Variants in ANKRD36C observed in about 807,000 individuals in gnomAD.
ANKRD36C encodes the protein ankyrin repeat domain 36C.
ANKRD36C carries 61 observed loss-of-function variants against 276.4 expected under a neutral mutation model. The observed-to-expected ratio is 0.22, with a 90% CI of 0.18 to 0.27. The LOEUF (loss-of-function observed/expected upper bound fraction) is 0.27. Ranked by LOEUF, ANKRD36C falls within the 10% of genes least tolerant of loss-of-function variation. ANKRD36C has a pLI of 1.00. For missense variants in ANKRD36C, 1,447 were observed against 2,032.3 expected, an observed-to-expected ratio of 0.71 and a Z score of 5.54; for synonymous variants, 483 against 680.1, an observed-to-expected ratio of 0.71 and a Z score of 4.51.
chr2:95,860,950 A>T lies in ANKRD36C; in HGVS notation c.3683-876T>A, dbSNP rs546797424. Among the ~76,000 whole-genome samples, 98 of 152,100 alleles carry T rather than the reference A, an allele frequency of 6.4e-4. 1 individual carries two copies. The South Asian group carries it at 0.02, about 30-fold the overall frequency. ...CTAAGAACAATGAAAAATAAAATTT[A>T]AAAAAAACAGTTAAAGAAAATTAGC... On this transcript the variant is annotated intron_variant, in intron 60 of 66. Coordinates refer to ENST00000456556, the Ensembl canonical transcript of ANKRD36C.
intron 42 of ANKRD36C, 24 bp from the exon 54 acceptor site, chr2:95,902,982 A>G: frequency 6.3e-7 from 1 of 1,576,788 alleles, no homozygotes; most frequent in Non-Finnish European, 8.6e-7. Flanking sequence ...GAAATGCAAT[A>G]ATAAATTAAT....
At chr2:95,907,325 T>C (rs1225814226) in intron 42 of ANKRD36C, 1 of 69,532 alleles carries the variant, frequency 1.4e-5, no homozygotes, top group Non-Finnish European at 2.9e-5. Flanking sequence ...TAACATATCT[T>C]CAGTGGAAGT....
chr2:95,923,928 A>T (rs1210415426), intron 30 of ANKRD36C, among the ~76,000 whole-genome samples: 1 of 151,682 alleles, frequency 6.6e-6, no homozygotes, highest in East Asian at 1.9e-4. Context: ...TAAAACTAAA[A>T]TGAAACAGTG....
At chr2:95,893,835 GC>G (rs199961815) in intron 44 of ANKRD36C, 111 bp from the exon 63 acceptor site, 94,715 of 1,552,912 alleles carry the variant, frequency 0.061, 3,683 homozygotes, top group Non-Finnish European at 0.07. Context: ...ATTAGCGTAG[GC>G]TTTAATGGCT....
chr2:95,963,564 A>C (rs1161042210), intron 6 of ANKRD36C, among the ~76,000 whole-genome samples: 2 of 135,256 alleles, frequency 1.5e-5, no homozygotes, highest in East Asian at 4.1e-4. Context: ...GATTCCCAAT[A>C]GTAACAAAGA....
intron 17 of ANKRD36C, among the ~76,000 whole-genome samples, chr2:95,946,825 G>T (rs371938870): frequency 2.0e-5 from 3 of 151,026 alleles, no homozygotes; most frequent in East Asian, 2.0e-4. Context: ...ACCAAACACC[G>T]CATATTCTCA....
chr2:95,941,008 TTA>T (rs1426281052), intron 20 of ANKRD36C, among the ~76,000 whole-genome samples, 150 bp downstream of exon 20: 2 of 149,514 alleles, frequency 1.3e-5, no homozygotes, highest in Non-Finnish European at 3.0e-5. Context: ...TTATTTTAAA[TTA>T]TAGTTATATT....
At chr2:95,861,241 T>A (rs923998107) in intron 60 of ANKRD36C, among the ~76,000 whole-genome samples, 8 of 151,724 alleles carry the variant, frequency 5.3e-5, no homozygotes, top group Non-Finnish European at 1.2e-4. Context: ...GCAAATTACA[T>A]TGTCACAAAT....
chr2:95,872,342 A>G (rs1049581670), intron 59 of ANKRD36C, among the ~76,000 whole-genome samples: 21 of 151,696 alleles, frequency 1.4e-4, no homozygotes, highest in African/African-American at 4.6e-4. Context: ...CAATCAAACT[A>G]GAACTCAGGA....
intron 26 of ANKRD36C, 89 bp from the exon 27 acceptor site, chr2:95,927,498 C>A: frequency 6.3e-7 from 1 of 1,580,286 alleles, no homozygotes; most frequent in Non-Finnish European, 8.6e-7. Context: ...CAAACTATAT[C>A]TTCCTGCCTG....
chr2:95,917,643 A>C (rs544184359), intron 36 of ANKRD36C, among the ~76,000 whole-genome samples: 1 of 151,448 alleles, frequency 6.6e-6, no homozygotes, highest in South Asian at 2.1e-4. Flanking sequence ...CAACGTGGGG[A>C]AGTGTATAAT....
chr2:95,936,655 C>T (rs1400328770), intron 22 of ANKRD36C, among the ~76,000 whole-genome samples: 2 of 151,200 alleles, frequency 1.3e-5, no homozygotes, highest in African/African-American at 4.9e-5. Flanking sequence ...AAACACCTAG[C>T]CAGCTGCTAT....
chr2:95,918,660 C>T (rs970901634), intron 34 of ANKRD36C, among the ~76,000 whole-genome samples: 2 of 151,648 alleles, frequency 1.3e-5, no homozygotes, highest in Non-Finnish European at 3.0e-5. Context: ...TTTCTTGGAT[C>T]CACTAGTTTA....
At chr2:95,982,856 C>T (rs1367148662) in intron 3 of ANKRD36C, among the ~76,000 whole-genome samples, 1 of 129,204 alleles carries the variant, frequency 7.7e-6, no homozygotes, top group Admixed American at 8.1e-5. Flanking sequence ...GAACATTATA[C>T]CCCAAAAGAG....
At chr2:95,908,118 C>A (rs1676796991) in intron 42 of ANKRD36C, among the ~76,000 whole-genome samples, 2 of 150,498 alleles carry the variant, frequency 1.3e-5, no homozygotes, top group South Asian at 4.2e-4. Context: ...CGGGTTGTTA[C>A]AACAAGCTTT....
At chr2:95,890,817 A>C (rs1039221093) in intron 46 of ANKRD36C, among the ~76,000 whole-genome samples, 2 of 151,584 alleles carry the variant, frequency 1.3e-5, no homozygotes, top group African/African-American at 2.4e-5. Flanking sequence ...TTAGAATTCA[A>C]CATCATTTTT....
At chr2:95,922,041 C>T (rs897278993) in intron 32 of ANKRD36C, among the ~76,000 whole-genome samples, 4 of 151,460 alleles carry the variant, frequency 2.6e-5, no homozygotes, top group African/African-American at 9.7e-5. Context: ...TCTCGTATAT[C>T]TAAAAGAAAA....
rs1294270081 is a variant in ANKRD36C, at chr2:95,869,456, G to A, written c.3541-1875C>T. On this transcript the variant is annotated intron_variant, in intron 59 of 66. Transcript: ENST00000456556. Reference sequence around the variant, plus strand: ...CTTTTTCCTAATATTACTAACTAATGATTAGGCAAACTTTAAATTATTAGG... The same window carrying A: ...CTTTTTCCTAATATTACTAACTAATAATTAGGCAAACTTTAAATTATTAGG... Among the ~76,000 whole-genome samples, 5 of 152,158 alleles carry A rather than the reference G, an allele frequency of 3.3e-5. No homozygotes were observed. The Middle Eastern group carries it at 9.5e-3, about 289-fold the overall frequency.
At chr2:95,913,390 A>G (rs1676992786) in intron 40 of ANKRD36C, among the ~76,000 whole-genome samples, 1 of 151,414 alleles carries the variant, frequency 6.6e-6, no homozygotes, top group Non-Finnish European at 1.5e-5. Flanking sequence ...ATTCATATTC[A>G]AGATTATCTC....
Sources: allele counts gnomAD v4.1 joint callset (sites outside exome capture counted in the v4.1 genomes callset), GRCh38; gene constraint gnomAD v4.1.1; transcripts MANE v1.5; gene names NCBI Gene and HGNC (gene_info 2026-07-23, HGNC 2026-07-21).